The following EYS variants were observed in gnomAD, a reference collection of about 807,000 sequenced individuals.
EYS encodes EGF-like photoreceptor maintenance factor, also known as protein eyes shut homolog.
EYS carries 250 observed loss-of-function variants against 282.1 expected under a neutral mutation model. The observed-to-expected ratio is 0.89, with a 90% CI of 0.80 to 0.98. The LOEUF (loss-of-function observed/expected upper bound fraction) is 0.98, where lower values mean the gene tolerates loss of function less well. Ranked by LOEUF, EYS falls within the 50% of genes least tolerant of loss-of-function variation. The pLI is 0.00. For missense variants in EYS, 4,016 were observed against 3,709.0 expected (o/e 1.08, Z -2.15); for synonymous variants, 1,355 against 1,282.9 (o/e 1.06, Z -1.20).
intron 5 of EYS, among the ~76,000 whole-genome samples, chr6:65,455,033 G>T (rs1267745074): frequency 6.6e-6 from 1 of 151,878 alleles, no homozygotes; most frequent in East Asian, 1.9e-4. Context: ...TTTTTCTTTT[G>T]TGAAGAATGT....
chr6:64,491,111 A>T (rs1776727167), intron 26 of EYS, among the ~76,000 whole-genome samples: 1 of 150,966 alleles, frequency 6.6e-6, no homozygotes, highest in Admixed American at 6.6e-5. Context: ...AATAATAAGA[A>T]GAAGAATATC....
intron 31 of EYS, 128 bp from the exon 32 acceptor site, chr6:64,082,130 A>G: frequency 1.7e-6 from 1 of 595,976 alleles, no homozygotes; most frequent in Non-Finnish European, 2.8e-6. Context: ...GTTAGGTCCA[A>G]TTTTAAGAAC....
chr6:64,167,920 A>G (rs1326222420), intron 31 of EYS, among the ~76,000 whole-genome samples: 1 of 151,960 alleles, frequency 6.6e-6, no homozygotes, highest in Non-Finnish European at 1.5e-5. Context: ...AAAAAAACAC[A>G]AAATGATAAG....
At chr6:64,662,547 A>G (rs183929423) in intron 22 of EYS, among the ~76,000 whole-genome samples, 125 of 152,246 alleles carry the variant, frequency 8.2e-4, no homozygotes, top group Admixed American at 1.6e-3. Context: ...AGCAAATATT[A>G]TTCTGAAATG....
At chr6:65,178,699 C>T (rs1765293266) in intron 12 of EYS, among the ~76,000 whole-genome samples, 1 of 152,002 alleles carries the variant, frequency 6.6e-6, no homozygotes, top group East Asian at 1.9e-4. Context: ...CTCAGCTCTG[C>T]ACCAAGCAGA....
At chr6:63,822,982 T>C (rs1409859960) in intron 36 of EYS, among the ~76,000 whole-genome samples, 2 of 152,176 alleles carry the variant, frequency 1.3e-5, no homozygotes, top group Non-Finnish European at 2.9e-5. Flanking sequence ...TGAATTTGAT[T>C]GGATGTCTTA....
At chr6:64,342,416 T>A (rs1215387274) in intron 29 of EYS, among the ~76,000 whole-genome samples, 2 of 151,996 alleles carry the variant, frequency 1.3e-5, no homozygotes, top group African/African-American at 4.8e-5. Flanking sequence ...ATACTCAACA[T>A]TCTTAAAGAA....
intron 12 of EYS, among the ~76,000 whole-genome samples, chr6:65,276,380 G>C (rs181057697): frequency 1.1e-4 from 17 of 151,592 alleles, no homozygotes; most frequent in Non-Finnish European, 2.4e-4. Context: ...AGAGATCTTA[G>C]TTACAAAGAG....
intron 26 of EYS, among the ~76,000 whole-genome samples, chr6:64,516,811 C>T (rs1274176746): frequency 6.6e-6 from 1 of 151,578 alleles, no homozygotes; most frequent in Non-Finnish European, 1.5e-5. Context: ...TTATATTTTA[C>T]TTTGATATCA....
At chr6:64,313,651 C>A (rs1434957046) in intron 29 of EYS, among the ~76,000 whole-genome samples, 1 of 152,092 alleles carries the variant, frequency 6.6e-6, no homozygotes, top group African/African-American at 2.4e-5. Flanking sequence ...GGGTTACCCA[C>A]AAAAGGAAGC....
chr6:64,380,800 G>A (rs1175738985), intron 29 of EYS, among the ~76,000 whole-genome samples: 1 of 152,248 alleles, frequency 6.6e-6, no homozygotes, highest in Non-Finnish European at 1.5e-5. Context: ...GGTGGATCGT[G>A]AAGTCAGGAG....
At chr6:64,293,911 G>A (rs189821836) in intron 30 of EYS, among the ~76,000 whole-genome samples, 2 of 152,178 alleles carry the variant, frequency 1.3e-5, no homozygotes, top group Non-Finnish European at 2.9e-5. Context: ...TCTTAATATC[G>A]TACCTGTCTA....
At chr6:63,747,323 G>T (rs1247615952) in intron 41 of EYS, among the ~76,000 whole-genome samples, 1 of 152,102 alleles carries the variant, frequency 6.6e-6, no homozygotes, top group Non-Finnish European at 1.5e-5. Context: ...TGCTTGTTAA[G>T]ATTTCCATCT....
rs765825077 is a variant in EYS at position 64,617,469 on chromosome 6, G to C, written c.3633C>G (p.Leu1211=). 14 of 1,550,788 alleles carry C rather than the reference G, an allele frequency of 9.0e-6. No individual in the cohort carries two copies. The highest frequency in any genetic ancestry group is 1.2e-5 in the Non-Finnish European group (14 of 1,146,462). ...TCGAGCCAGGTTCATTCTCCATGCA[G>C]AGTTCATGAACACATGAGTTGGGAA... The part of the protein sequence containing the change: ...ECIPNSCVHE[L]CMENEPGSTC... Residue 1211 remains leucine (L), a synonymous_variant, in exon 24 of 43, where the codon CTC becomes CTG. Coordinates refer to ENST00000503581, the MANE Select transcript of EYS (RefSeq NM_001142800.2).
chr6:65,632,236 A>C (rs1033219092), intron 2 of EYS, among the ~76,000 whole-genome samples: 1 of 152,152 alleles, frequency 6.6e-6, no homozygotes, highest in African/African-American at 2.4e-5. Flanking sequence ...TTGTACTTAT[A>C]TTCTTATCTG....
chr6:65,165,515 C>T (rs1436030794), intron 12 of EYS, among the ~76,000 whole-genome samples: 2 of 150,996 alleles, frequency 1.3e-5, no homozygotes, highest in East Asian at 2.0e-4. Flanking sequence ...TTATGAATTC[C>T]ATTTCTTCAT....
chr6:65,413,576 T>G (rs1402796890), intron 5 of EYS, among the ~76,000 whole-genome samples: 1 of 151,848 alleles, frequency 6.6e-6, no homozygotes, highest in Non-Finnish European at 1.5e-5. Context: ...AAGAGCAAAG[T>G]GGGCCAGGTG....
chr6:65,309,664 A>G (rs1769103092), intron 11 of EYS, among the ~76,000 whole-genome samples: 1 of 152,162 alleles, frequency 6.6e-6, no homozygotes, highest in African/African-American at 2.4e-5. Flanking sequence ...TCTGGTACTT[A>G]AAGTGTGATT....
intron 1 of EYS, among the ~76,000 whole-genome samples, chr6:65,662,657 A>G (rs1052085046): frequency 4.6e-5 from 7 of 152,102 alleles, no homozygotes; most frequent in African/African-American, 1.7e-4. Context: ...GGATGTGGAA[A>G]CCCCGTATTG....
Sources: gnomAD v4.1 joint callset for allele counts (sites outside exome capture counted in the v4.1 genomes callset) on GRCh38, gnomAD v4.1.1 for gene constraint, MANE v1.5 for transcripts, NCBI Gene and HGNC (gene_info 2026-07-23, HGNC 2026-07-21) for gene names.